Variants in GRID2 observed in about 807,000 individuals in gnomAD.
GRID2 encodes the protein glutamate ionotropic receptor delta type subunit 2, also known as glutamate receptor ionotropic, delta-2.
GRID2 carries 33 observed loss-of-function variants against 114.8 expected under a neutral mutation model. That is an observed-to-expected ratio of 0.29 (90% confidence interval 0.22 to 0.38). GRID2 has a LOEUF of 0.38. GRID2 is among the 10% of genes least tolerant of loss of function. The probability of loss-of-function intolerance (pLI) is 1.00; values close to 1 mark genes in which losing one functional copy is unlikely to be tolerated. For synonymous variants in GRID2, 505 were observed against 449.9 expected (o/e 1.12, Z -1.55); for missense variants, 1,184 against 1,257.7 (o/e 0.94, Z 0.89).
chr4:92,917,564 G>C (rs1249109971), intron 2 of GRID2, among the ~76,000 whole-genome samples: 2 of 152,028 alleles, frequency 1.3e-5, no homozygotes, highest in Admixed American at 1.3e-4. Context: ...GATCCATTTT[G>C]AGCTTTCTAC....
At chr4:92,560,849 G>C (rs1393460238) in intron 1 of GRID2, among the ~76,000 whole-genome samples, 24 of 152,028 alleles carry the variant, frequency 1.6e-4, no homozygotes, top group Admixed American at 1.6e-3. Flanking sequence ...TGGGATTACA[G>C]GTGCCCGCCA....
chr4:93,676,083 A>G (rs1296020162), intron 14 of GRID2, among the ~76,000 whole-genome samples: 1 of 152,254 alleles, frequency 6.6e-6, no homozygotes, highest in Non-Finnish European at 1.5e-5. Context: ...AGCATTCAGT[A>G]TGTTGCACAA....
At chr4:92,817,807 T>G (rs557276620) in intron 2 of GRID2, among the ~76,000 whole-genome samples, 1 of 151,988 alleles carries the variant, frequency 6.6e-6, no homozygotes, top group East Asian at 1.9e-4. Context: ...GTTGAGATTA[T>G]AGGTGTGAGC....
At chr4:93,488,926 A>G (rs1726692213) in intron 11 of GRID2, among the ~76,000 whole-genome samples, 2 of 152,114 alleles carry the variant, frequency 1.3e-5, no homozygotes, top group Middle Eastern at 6.8e-3. Context: ...TTACTTAGTT[A>G]AAGGTCCTAT....
chr4:92,466,164 A>G (rs1333761474), intron 1 of GRID2, among the ~76,000 whole-genome samples: 1 of 151,824 alleles, frequency 6.6e-6, no homozygotes, highest in Non-Finnish European at 1.5e-5. Context: ...TATATGTTAC[A>G]GTAATCAGAT....
intron 2 of GRID2, among the ~76,000 whole-genome samples, chr4:92,638,897 A>C (rs1366260094): frequency 3.3e-5 from 5 of 151,174 alleles, no homozygotes; most frequent in Non-Finnish European, 5.9e-5. Context: ...GTTTTTATAA[A>C]TAGGATATTT....
chr4:93,711,750 A>C (rs874377), intron 14 of GRID2, among the ~76,000 whole-genome samples: 66,589 of 152,080 alleles, frequency 0.44, 15,052 homozygotes, highest in East Asian at 0.75. Context: ...CATCTGCACC[A>C]CATGGCTGCT....
intron 1 of GRID2, among the ~76,000 whole-genome samples, chr4:93,781,646 A>G (rs1734481170): frequency 6.6e-6 from 1 of 152,174 alleles, no homozygotes; most frequent in Non-Finnish European, 1.5e-5. Flanking sequence ...TATGCATATA[A>G]CATATGCAAA....
intron 2 of GRID2, among the ~76,000 whole-genome samples, chr4:93,051,461 CT>C (rs1271784882): frequency 6.6e-6 from 1 of 151,982 alleles, no homozygotes; most frequent in Non-Finnish European, 1.5e-5. Context: ...TAGACAATGG[CT>C]CTTTTTTTGT....
At chr4:93,710,785 C>A (rs1244878071) in intron 14 of GRID2, among the ~76,000 whole-genome samples, 1 of 152,074 alleles carries the variant, frequency 6.6e-6, no homozygotes, top group African/African-American at 2.4e-5. Flanking sequence ...GAGCTGGTAC[C>A]CAAGTTGCAA....
intron 14 of GRID2, among the ~76,000 whole-genome samples, chr4:93,766,495 A>G (rs968121643): frequency 3.3e-5 from 5 of 152,194 alleles, no homozygotes; most frequent in Admixed American, 6.5e-5. Flanking sequence ...CGTGGAGATT[A>G]TTACAAGGTG....
At chr4:93,202,708 G>A (rs980891629) in intron 4 of GRID2, among the ~76,000 whole-genome samples, 12 of 151,720 alleles carry the variant, frequency 7.9e-5, no homozygotes, top group African/African-American at 2.9e-4. Context: ...AATTGATTTG[G>A]GATTTATAAT....
intron 2 of GRID2, among the ~76,000 whole-genome samples, chr4:92,947,386 G>A (rs1751717714): frequency 6.6e-6 from 1 of 151,838 alleles, no homozygotes. Context: ...TCTTCCCTAA[G>A]CAATCACAAA....
intron 2 of GRID2, among the ~76,000 whole-genome samples, chr4:92,926,633 G>A (rs188151815): frequency 6.6e-6 from 1 of 151,832 alleles, no homozygotes; most frequent in East Asian, 1.9e-4. Flanking sequence ...TGGTAAAATA[G>A]CGTTATTTAC....
chr4:92,615,038 A>G (rs1729939406), intron 2 of GRID2, among the ~76,000 whole-genome samples: 1 of 151,350 alleles, frequency 6.6e-6, no homozygotes, highest in Non-Finnish European at 1.5e-5. Flanking sequence ...AAAACCAAAT[A>G]CCATAAACAG....
At position 93,389,252 on chromosome 4, in the gene GRID2, A is replaced by G. The variant is rs144069651; in HGVS notation, c.1246-6355A>G. ...AATGTCTCAAGGTAGAATGGAATAG[A>G]AGAGAAGAAAATCCAGCAACTTTTA... On this transcript the variant is annotated intron_variant, in intron 8 of 15. Transcript: ENST00000282020. 9.2e-4 allele frequency among the ~76,000 whole-genome samples: 140 copies of G among 152,294 alleles called. 1 individual carries two copies. Among genetic ancestry groups the G allele is most frequent in the Middle Eastern group, 3.4e-3 (1 of 294 alleles).
chr4:93,178,793 T>C (rs201489032), intron 4 of GRID2, among the ~76,000 whole-genome samples: 1 of 129,644 alleles, frequency 7.7e-6, no homozygotes, highest in African/African-American at 3.0e-5. Flanking sequence ...AAAAAATCTT[T>C]ATGTTCTTAA....
At chr4:93,809,296 G>A (rs1333900537) in exon 2 of GRID2, 2 of 152,150 alleles carry the variant, frequency 1.3e-5, no homozygotes, top group African/African-American at 4.8e-5. Context: ...CAGTCGTAAT[G>A]TATTCCAGGC....
intron 1 of GRID2, among the ~76,000 whole-genome samples, chr4:92,569,046 G>T (rs1430404407): frequency 6.6e-6 from 1 of 151,912 alleles, no homozygotes. Flanking sequence ...TGCCATGGTG[G>T]TTTGGTGCAC....
Sources: gnomAD v4.1 joint callset for allele counts (sites outside exome capture counted in the v4.1 genomes callset) on GRCh38, gnomAD v4.1.1 for gene constraint, MANE v1.5 for transcripts, NCBI Gene and HGNC (gene_info 2026-07-23, HGNC 2026-07-21) for gene names.